Variants in ADAM17 observed in about 807,000 individuals in gnomAD.
ADAM17 encodes ADAM metallopeptidase domain 17.
A neutral mutation model predicts 96.7 loss-of-function variants in ADAM17; 39 were observed. The observed-to-expected ratio is 0.40, with a 90% CI of 0.31 to 0.53. The LOEUF (loss-of-function observed/expected upper bound fraction) is 0.53. ADAM17 is among the 20% of genes least tolerant of loss of function. ADAM17 has a pLI of 0.44. For synonymous variants in ADAM17, 344 were observed against 359.2 expected (o/e 0.96, Z 0.48); for missense variants, 777 against 1,013.2 (o/e 0.77, Z 3.17).
chr2:9,519,881 A>G (rs1664237766), intron 8 of ADAM17, among the ~76,000 whole-genome samples: 1 of 152,206 alleles, frequency 6.6e-6, no homozygotes, highest in African/African-American at 2.4e-5. Context: ...TAAGTCCCCC[A>G]GCCTATGCTG....
At chr2:9,513,319 T>C (rs1663846780) in intron 10 of ADAM17, among the ~76,000 whole-genome samples, 1 of 152,214 alleles carries the variant, frequency 6.6e-6, no homozygotes, top group African/African-American at 2.4e-5. Context: ...AAATATCCTA[T>C]GTAATAAACC....
intron 2 of ADAM17, among the ~76,000 whole-genome samples, chr2:9,538,148 G>A (rs926090887): frequency 1.3e-5 from 2 of 152,134 alleles, no homozygotes; most frequent in African/African-American, 4.8e-5. Context: ...TGAAAACTAG[G>A]AGTGGTGAGC....
intron 4 of ADAM17, among the ~76,000 whole-genome samples, chr2:9,529,786 A>G (rs530324764): frequency 1.3e-3 from 203 of 152,180 alleles, no homozygotes; most frequent in African/African-American, 4.8e-3. Context: ...AGCCTGACCA[A>G]CACGGTGAAA....
intron 1 of ADAM17, among the ~76,000 whole-genome samples, chr2:9,554,406 T>C (rs1262726984): frequency 6.6e-6 from 1 of 152,196 alleles, no homozygotes; most frequent in Non-Finnish European, 1.5e-5. Flanking sequence ...TGCCTTTCAT[T>C]AGTCACTTGT....
intron 13 of ADAM17, among the ~76,000 whole-genome samples, chr2:9,498,203 TTC>T (rs1662761838): frequency 6.6e-6 from 1 of 152,048 alleles, no homozygotes; most frequent in African/African-American, 2.4e-5. Context: ...CTAATTTTCT[TTC>T]TTTTTTTTTG....
At chr2:9,539,150 C>T (rs971588471) in intron 2 of ADAM17, among the ~76,000 whole-genome samples, 4 of 151,702 alleles carry the variant, frequency 2.6e-5, no homozygotes, top group African/African-American at 9.7e-5. Context: ...CTCTGTCGCC[C>T]AGGCTGGAGT....
chr2:9,543,106 C>T, intron 2 of ADAM17, 47 bp downstream of exon 2: 1 of 1,508,694 alleles, frequency 6.6e-7, no homozygotes, highest in Non-Finnish European at 8.8e-7. Flanking sequence ...TTTTGCCAAA[C>T]CAAGCCCCCA....
chr2:9,506,468 G>C (rs770428251), intron 11 of ADAM17, among the ~76,000 whole-genome samples: 2 of 147,014 alleles, frequency 1.4e-5, no homozygotes, highest in Non-Finnish European at 3.0e-5. Context: ...CCGGGTTCAA[G>C]TGATTCTTCT....
chr2:9,525,072 T>C (rs1664462298), intron 6 of ADAM17, among the ~76,000 whole-genome samples: 1 of 152,076 alleles, frequency 6.6e-6, no homozygotes, highest in Admixed American at 6.6e-5. Context: ...GAGAAGCTTT[T>C]TAAAGTAAAA....
At chr2:9,554,055 T>C (rs1378658235) in intron 1 of ADAM17, among the ~76,000 whole-genome samples, 1 of 151,558 alleles carries the variant, frequency 6.6e-6, no homozygotes, top group Non-Finnish European at 1.5e-5. Context: ...AGAGCAAGAC[T>C]CTGTCTTGGA....
intron 10 of ADAM17, among the ~76,000 whole-genome samples, chr2:9,513,149 C>T (rs916624809): frequency 6.6e-6 from 1 of 152,136 alleles, no homozygotes; most frequent in African/African-American, 2.4e-5. Flanking sequence ...CATGCACCAC[C>T]ACACCTGGCT....
intron 13 of ADAM17, among the ~76,000 whole-genome samples, chr2:9,499,429 T>C (rs1331374249): frequency 6.6e-6 from 1 of 151,724 alleles, no homozygotes; most frequent in African/African-American, 2.4e-5. Context: ...TGAGATGGAG[T>C]CTTGCTCTGT....
intron 1 of ADAM17, among the ~76,000 whole-genome samples, chr2:9,553,076 A>G (rs1394659975): frequency 6.6e-6 from 1 of 152,236 alleles, no homozygotes; most frequent in Non-Finnish European, 1.5e-5. Context: ...AACTGAAAAA[A>G]AAAGTCATTC....
chr2:9,490,615 T>C (rs1357993855), intron 18 of ADAM17, 97 bp from the exon 19 acceptor site: 8 of 1,284,272 alleles, frequency 6.2e-6, no homozygotes, highest in South Asian at 3.0e-5. Flanking sequence ...TCTTATTCTG[T>C]TGGCACTGTG....
intron 10 of ADAM17, among the ~76,000 whole-genome samples, chr2:9,517,167 ACTT>A (rs535432123): frequency 6.6e-6 from 1 of 152,162 alleles, no homozygotes; most frequent in Non-Finnish European, 1.5e-5. Flanking sequence ...CTATCCCTGA[ACTT>A]CTTGTTGACT....
intron 1 of ADAM17, among the ~76,000 whole-genome samples, chr2:9,554,365 C>G (rs978602619): frequency 6.6e-6 from 1 of 152,320 alleles, no homozygotes; most frequent in Admixed American, 6.5e-5. Flanking sequence ...TACTGACTTA[C>G]CACTTCTCAG....
chr2:9,520,831 G>T (rs1389201565), intron 8 of ADAM17, among the ~76,000 whole-genome samples: 2 of 151,744 alleles, frequency 1.3e-5, no homozygotes, highest in African/African-American at 4.8e-5. Flanking sequence ...GGCCGTGGTG[G>T]TGCATGCCTA....
In ADAM17 at chr2:9,555,734, C is replaced by T; in HGVS notation, c.-129G>A. On this transcript the variant is annotated 5_prime_UTR_variant, in exon 1 of 19. Coordinates refer to ENST00000310823, the MANE Select transcript of ADAM17 (RefSeq NM_003183.6). ...CCCCTCAATCCTCTTTTCCCTCCCGCGCCGCCTACTGGGAAGATTCTACCG... is the reference window on the plus strand; with the variant it reads ...CCCCTCAATCCTCTTTTCCCTCCCGTGCCGCCTACTGGGAAGATTCTACCG... 1.4e-6 allele frequency: 1 copy of T among 720,524 alleles called. No individual in the cohort carries two copies. 44.6% of individuals were successfully genotyped at this position (720,524 alleles called of 1,614,324 possible). A position where few individuals can be genotyped will look rare whatever the true frequency, so the allele number is the denominator to read the frequency against.
At chr2:9,554,487 C>T (rs1315526509) in intron 1 of ADAM17, among the ~76,000 whole-genome samples, 1 of 152,094 alleles carries the variant, frequency 6.6e-6, no homozygotes, top group Non-Finnish European at 1.5e-5. Flanking sequence ...CTTTAGTATC[C>T]ATACCAATCC....
Sources: allele counts gnomAD v4.1 joint callset (sites outside exome capture counted in the v4.1 genomes callset), GRCh38; gene constraint gnomAD v4.1.1; transcripts MANE v1.5; gene names NCBI Gene and HGNC (gene_info 2026-07-23, HGNC 2026-07-21).